ETV6: variants seen among roughly 807,000 people sequenced by gnomAD.
The protein encoded by ETV6 is ETS variant transcription factor 6.
Under a neutral mutation model 51.1 loss-of-function variants are expected in ETV6, and 16 were observed. The ratio of observed to expected loss-of-function variants is 0.31; its 90% CI spans 0.21 to 0.48. ETV6 has a LOEUF of 0.48. ETV6 is among the 20% of genes least tolerant of loss of function. ETV6 has a pLI of 0.99. For missense variants in ETV6, 458 were observed against 594.8 expected (o/e 0.77, Z 2.39); for synonymous variants, 240 against 224.1 (o/e 1.07, Z -0.64).
At chr12:11,868,869 G>T (rs951674035) in intron 4 of ETV6, among the ~76,000 whole-genome samples, 20 of 152,062 alleles carry the variant, frequency 1.3e-4, no homozygotes, top group African/African-American at 4.3e-4. Context: ...GTGCCTACAG[G>T]CCACAGGTAG....
rs1408630798 is a variant in ETV6 at position 11,752,536 on chromosome 12, G to A, written c.120G>A (p.Ala40=). Residue 40 remains alanine, a synonymous_variant, in exon 2 of 8, where the codon GCG becomes GCA. Coordinates refer to ENST00000396373, the MANE Select transcript of ETV6 (RefSeq NM_001987.5). ...STPLHVPVPR[A]LRMEEDSIRL... ...CACTTCATGTTCCAGTGCCTCGAGCGCTCAGGATGGAGGAAGACTCGATCC... is the reference window on the plus strand; with the variant it reads ...CACTTCATGTTCCAGTGCCTCGAGCACTCAGGATGGAGGAAGACTCGATCC... 1.3e-5 allele frequency: 21 copies of A among 1,613,610 alleles called. No homozygotes were observed. The highest frequency in any genetic ancestry group is 5.5e-5 in the South Asian group (5 of 91,076).
chr12:11,658,517 G>T (rs925764967), intron 1 of ETV6, among the ~76,000 whole-genome samples: 2 of 152,214 alleles, frequency 1.3e-5, no homozygotes, highest in South Asian at 2.1e-4. Flanking sequence ...TTACAGGCGT[G>T]AGCCACTGTC....
At chr12:11,686,335 C>T (rs887576949) in intron 1 of ETV6, among the ~76,000 whole-genome samples, 1 of 152,172 alleles carries the variant, frequency 6.6e-6, no homozygotes, top group Non-Finnish European at 1.5e-5. Context: ...TCTTTATTTA[C>T]TCAAGCACTC....
At chr12:11,855,179 G>C (rs976185743) in intron 4 of ETV6, among the ~76,000 whole-genome samples, 6 of 151,524 alleles carry the variant, frequency 4.0e-5, no homozygotes, top group African/African-American at 1.5e-4. Flanking sequence ...GGTGGCAGGC[G>C]CCTGTAGTCC....
At chr12:11,711,891 A>G (rs978971272) in intron 1 of ETV6, among the ~76,000 whole-genome samples, 1 of 152,166 alleles carries the variant, frequency 6.6e-6, no homozygotes, top group Non-Finnish European at 1.5e-5. Context: ...CCGTGGGTGG[A>G]ATTGCATCAC....
intron 2 of ETV6, among the ~76,000 whole-genome samples, chr12:11,814,043 G>A (rs1347843141): frequency 1.3e-5 from 2 of 151,964 alleles, no homozygotes; most frequent in East Asian, 1.9e-4. Context: ...TTCCAGTTAC[G>A]GTAAAACCTC....
intron 2 of ETV6, among the ~76,000 whole-genome samples, chr12:11,761,860 G>GT (rs1311221421): frequency 6.6e-6 from 1 of 152,206 alleles, no homozygotes; most frequent in African/African-American, 2.4e-5. Flanking sequence ...TCTTATTCCA[G>GT]AAGAGAAACA....
chr12:11,732,058 C>G (rs796252317), intron 1 of ETV6, among the ~76,000 whole-genome samples: 1 of 152,306 alleles, frequency 6.6e-6, no homozygotes, highest in South Asian at 2.1e-4. Context: ...ATGTTCCACC[C>G]TGCAGTCCTT....
In ETV6 at chr12:11,871,195, C is replaced by A. The variant is rs1433793056; in HGVS notation, c.1009+1226C>A. Among the ~76,000 whole-genome samples the A allele has an allele frequency of 3.3e-5, 5 of 149,946 alleles. No homozygotes were observed. The East Asian group carries it at 9.8e-4, about 29-fold the overall frequency. ...CTTTACTTCTGCCTTGAGGTACTGTCCCTTTTTTTTTTTTTTTTTTCCACA... is the reference window on the plus strand; with the variant it reads ...CTTTACTTCTGCCTTGAGGTACTGTACCTTTTTTTTTTTTTTTTTTCCACA... On this transcript the variant is annotated intron_variant, in intron 5 of 7. Transcript: ENST00000396373.
intron 2 of ETV6, among the ~76,000 whole-genome samples, chr12:11,786,005 T>C (rs1251998801): frequency 2.6e-5 from 4 of 152,138 alleles, no homozygotes; most frequent in Admixed American, 2.6e-4. Context: ...AATTTAGCCA[T>C]TGGCTACAAA....
At chr12:11,773,034 A>C (rs1198344593) in intron 2 of ETV6, among the ~76,000 whole-genome samples, 1 of 151,986 alleles carries the variant, frequency 6.6e-6, no homozygotes, top group Non-Finnish European at 1.5e-5. Flanking sequence ...CTCTACTAAA[A>C]ATACAAAAAA....
At chr12:11,699,483 A>G (rs1271049197) in intron 1 of ETV6, among the ~76,000 whole-genome samples, 4 of 152,190 alleles carry the variant, frequency 2.6e-5, no homozygotes, top group South Asian at 2.1e-4. Flanking sequence ...GGGATGTACA[A>G]GATTTAATTA....
intron 3 of ETV6, among the ~76,000 whole-genome samples, chr12:11,850,424 G>C (rs1034609547): frequency 6.6e-6 from 1 of 151,898 alleles, no homozygotes; most frequent in Non-Finnish European, 1.5e-5. Context: ...TTCTGGAAGG[G>C]GAACGTAAAG....
At chr12:11,832,890 G>A (rs1350576206) in intron 2 of ETV6, among the ~76,000 whole-genome samples, 1 of 152,166 alleles carries the variant, frequency 6.6e-6, no homozygotes, top group African/African-American at 2.4e-5. Flanking sequence ...GTGTCACCAG[G>A]GTACTCCCAT....
intron 1 of ETV6, among the ~76,000 whole-genome samples, chr12:11,704,513 A>T (rs746920809): frequency 1.3e-5 from 2 of 152,024 alleles, no homozygotes; most frequent in Non-Finnish European, 2.9e-5. Context: ...CAACCGGCTA[A>T]TTTTTGTATT....
At chr12:11,748,656 G>C (rs776383994) in intron 1 of ETV6, among the ~76,000 whole-genome samples, 1 of 152,154 alleles carries the variant, frequency 6.6e-6, no homozygotes, top group Non-Finnish European at 1.5e-5. Context: ...CAACCTGAGG[G>C]TGGGTGTGGG....
intron 2 of ETV6, among the ~76,000 whole-genome samples, chr12:11,757,029 G>A (rs977333822): frequency 3.3e-5 from 5 of 152,044 alleles, no homozygotes; most frequent in Admixed American, 1.3e-4. Context: ...TTTAAAAATC[G>A]GAACGTAGGA....
chr12:11,845,380 C>G (rs779796397), intron 3 of ETV6, among the ~76,000 whole-genome samples: 9 of 152,194 alleles, frequency 5.9e-5, no homozygotes, highest in African/African-American at 1.9e-4. Flanking sequence ...TAAACACATA[C>G]TTATTTCATA....
intron 5 of ETV6, among the ~76,000 whole-genome samples, chr12:11,883,931 CTG>C (rs1000603306): frequency 1.3e-5 from 2 of 152,106 alleles, no homozygotes; most frequent in African/African-American, 4.8e-5. Context: ...CTCCTTTTTG[CTG>C]TGTTTTAGCC....
Sources: gnomAD v4.1 joint callset for allele counts (sites outside exome capture counted in the v4.1 genomes callset) on GRCh38, gnomAD v4.1.1 for gene constraint, MANE v1.5 for transcripts, NCBI Gene and HGNC (gene_info 2026-07-23, HGNC 2026-07-21) for gene names.